Variants in TSPAN7 observed in about 807,000 individuals in gnomAD.
TSPAN7 encodes the protein tetraspanin-7.
Under a neutral mutation model 17.6 loss-of-function variants are expected in TSPAN7, and 1 was observed. The observed-to-expected ratio is 0.06, with a 90% CI of 0.02 to 0.27. The LOEUF is 0.27. Among genes scored for constraint, TSPAN7 ranks in the 10% least tolerant of loss-of-function variants. The pLI, the probability that TSPAN7 is intolerant of heterozygous loss-of-function variation, is 1.00. For missense variants in TSPAN7, 112 were observed against 201.7 expected, an observed-to-expected ratio of 0.56 and a Z score of 2.69; for synonymous variants, 78 against 79.0, an observed-to-expected ratio of 0.99 and a Z score of 0.07.
At chrX:38,594,746 G>T (rs1288377235) in intron 1 of TSPAN7, among the ~76,000 whole-genome samples, 1 of 111,501 alleles carries the variant, frequency 9.0e-6, no homozygotes, top group African/African-American at 3.3e-5. Flanking sequence ...GTCTATATTC[G>T]AAGCAAACAA....
At chrX:38,622,535 G>A (rs1259994571) in intron 1 of TSPAN7, among the ~76,000 whole-genome samples, 1 of 111,510 alleles carries the variant, frequency 9.0e-6, no homozygotes, top group South Asian at 3.8e-4. Flanking sequence ...CTCAAGGCTG[G>A]GCCACAGGGT....
chrX:38,640,366 C>T (rs1346919490), intron 1 of TSPAN7, among the ~76,000 whole-genome samples: 2 of 111,783 alleles, frequency 1.8e-5, no homozygotes, highest in Non-Finnish European at 1.9e-5. Context: ...AACAAAAGGG[C>T]AACTCCCAAG....
chrX:38,613,043 A>G (rs1269940661), intron 1 of TSPAN7, among the ~76,000 whole-genome samples: 1 of 111,149 alleles, frequency 9.0e-6, no homozygotes, highest in Non-Finnish European at 1.9e-5. Context: ...TTTATTCTCC[A>G]TTTTTCTTTT....
chrX:38,580,125 T>C (rs1569302349), intron 1 of TSPAN7, among the ~76,000 whole-genome samples: 1 of 112,204 alleles, frequency 8.9e-6, no homozygotes, highest in Non-Finnish European at 1.9e-5. Flanking sequence ...GCCAGCCACC[T>C]CTTTTTGTAA....
At chrX:38,630,141 G>A (rs1487004456) in intron 1 of TSPAN7, among the ~76,000 whole-genome samples, 1 of 112,156 alleles carries the variant, frequency 8.9e-6, no homozygotes, top group Non-Finnish European at 1.9e-5. Context: ...TTTATGCCAA[G>A]TTTCAATCCA....
chrX:38,615,705 A>C (rs1324102947), intron 1 of TSPAN7, among the ~76,000 whole-genome samples: 2 of 112,628 alleles, frequency 1.8e-5, no homozygotes, highest in African/African-American at 6.5e-5. Context: ...AAATGCTTAA[A>C]GTATTAAAAT....
chrX:38,627,704 T>TA (rs766639790), intron 1 of TSPAN7, among the ~76,000 whole-genome samples: 6 of 112,218 alleles, frequency 5.3e-5, no homozygotes, highest in African/African-American at 1.9e-4. Context: ...CCCTATGGTT[T>TA]AAAAAAAAGT....
intron 1 of TSPAN7, among the ~76,000 whole-genome samples, chrX:38,628,798 C>T (rs934947301): frequency 9.0e-6 from 1 of 111,606 alleles, no homozygotes; most frequent in Non-Finnish European, 1.9e-5. Context: ...TTGATGACAT[C>T]ATCATTAAAA....
intron 1 of TSPAN7, among the ~76,000 whole-genome samples, chrX:38,613,070 C>G (rs1041602525): frequency 7.2e-5 from 8 of 111,861 alleles, no homozygotes; most frequent in Non-Finnish European, 1.5e-4. Context: ...GCAACTAACA[C>G]TCAGGAGCTG....
intron 1 of TSPAN7, among the ~76,000 whole-genome samples, chrX:38,591,440 C>G (rs2069291200): frequency 9.0e-6 from 1 of 111,499 alleles, no homozygotes; most frequent in Non-Finnish European, 1.9e-5. Flanking sequence ...TGTTTAATAG[C>G]CAAGAATGTA....
chrX:38,592,722 T>A (rs925570644), intron 1 of TSPAN7, among the ~76,000 whole-genome samples: 1 of 111,269 alleles, frequency 9.0e-6, no homozygotes. Flanking sequence ...TATTTTTATT[T>A]CTTTTTAATT....
At chrX:38,635,365 G>A (rs1192983504) in intron 1 of TSPAN7, among the ~76,000 whole-genome samples, 1 of 111,251 alleles carries the variant, frequency 9.0e-6, no homozygotes, top group Non-Finnish European at 1.9e-5. Flanking sequence ...AGGCCAAGAT[G>A]CCCTCAAAGG....
chrX:38,642,928 G>T (rs1259570796), intron 1 of TSPAN7, among the ~76,000 whole-genome samples: 1 of 111,411 alleles, frequency 9.0e-6, no homozygotes, highest in African/African-American at 3.3e-5. Context: ...GCAGTGCTTT[G>T]TATGCTGTGG....
intron 1 of TSPAN7, among the ~76,000 whole-genome samples, chrX:38,651,315 A>C (rs1227902177): frequency 1.8e-5 from 2 of 110,356 alleles, no homozygotes; most frequent in Non-Finnish European, 3.8e-5. Flanking sequence ...AATACAAAAA[A>C]TTAGCCGGGC....
At chrX:38,606,481 C>A (rs1218580239) in intron 1 of TSPAN7, among the ~76,000 whole-genome samples, 1 of 111,258 alleles carries the variant, frequency 9.0e-6, no homozygotes, top group Non-Finnish European at 1.9e-5. Flanking sequence ...GTCTTGGTGC[C>A]CAGACGAGCC....
intron 1 of TSPAN7, among the ~76,000 whole-genome samples, chrX:38,643,040 G>A (rs1405123510): frequency 9.0e-6 from 1 of 110,763 alleles, no homozygotes; most frequent in Non-Finnish European, 1.9e-5. Context: ...TGCACAATGG[G>A]TCCTTAGCAA....
At chrX:38,581,494 A>ACC (rs769035252) in intron 1 of TSPAN7, among the ~76,000 whole-genome samples, 97 of 106,784 alleles carry the variant, frequency 9.1e-4, no homozygotes, top group Admixed American at 1.4e-3. Context: ...CACGGGAAAG[A>ACC]CCCCCCCCTC....
chrX:38,601,164 A>G (rs2069344714), intron 1 of TSPAN7, among the ~76,000 whole-genome samples: 1 of 111,888 alleles, frequency 8.9e-6, no homozygotes, highest in African/African-American at 3.2e-5. Flanking sequence ...CAGGCGTGGA[A>G]ACTGGATGTG....
At chrX:38,592,339 A>G (rs1478408698) in intron 1 of TSPAN7, among the ~76,000 whole-genome samples, 1 of 111,836 alleles carries the variant, frequency 8.9e-6, no homozygotes, top group Non-Finnish European at 1.9e-5. Flanking sequence ...TTTTTAATTT[A>G]ATCTGACAAT....
Sources: allele counts gnomAD v4.1 joint callset (sites outside exome capture counted in the v4.1 genomes callset), GRCh38; gene constraint gnomAD v4.1.1; transcripts MANE v1.5; gene names NCBI Gene and HGNC (gene_info 2026-07-23, HGNC 2026-07-21).